Variants in RCC1L observed in about 807,000 individuals in gnomAD.
RCC1L encodes RCC1-like G exchanging factor-like protein.
Under a neutral mutation model 58.6 loss-of-function variants are expected in RCC1L, and 46 were observed. The ratio of observed to expected loss-of-function variants is 0.79; its 90% CI spans 0.62 to 1.00. RCC1L has a LOEUF of 1.00. RCC1L is among the 50% of genes least tolerant of loss of function. The pLI is 0.00. For synonymous variants in RCC1L, 281 were observed against 262.9 expected, an observed-to-expected ratio of 1.07 and a Z score of -0.67; for missense variants, 636 against 623.6, an observed-to-expected ratio of 1.02 and a Z score of -0.21.
intron 9 of RCC1L, chr7:75,055,694 A>C: frequency 6.3e-6 from 4 of 638,862 alleles, no homozygotes; most frequent in South Asian, 3.9e-5. Context: ...CAAACGAACC[A>C]AAATTAAAAC....
chr7:75,069,226 T>G (rs1353421396), intron 2 of RCC1L, among the ~76,000 whole-genome samples: 1 of 148,986 alleles, frequency 6.7e-6, no homozygotes, highest in African/African-American at 2.5e-5. Context: ...ATGATCTTGC[T>G]CTGTTGCCCA....
chr7:75,060,713 G>A (rs1354983854), intron 6 of RCC1L, among the ~76,000 whole-genome samples: 1 of 152,160 alleles, frequency 6.6e-6, no homozygotes, highest in Non-Finnish European at 1.5e-5. Context: ...TTACAGGTGT[G>A]AGCCACTGCA....
intron 1 of RCC1L, among the ~76,000 whole-genome samples, chr7:75,072,640 T>C (rs1806806160): frequency 6.6e-6 from 1 of 152,184 alleles, no homozygotes; most frequent in Non-Finnish European, 1.5e-5. Context: ...AAACCGGGGC[T>C]TCCAGTGAGG....
chr7:75,035,285 C>A (rs1251213345), intron 10 of RCC1L, among the ~76,000 whole-genome samples: 2 of 152,208 alleles, frequency 1.3e-5, no homozygotes, highest in Non-Finnish European at 2.9e-5. Context: ...CCCGCCTCGG[C>A]CTCCCAAAGT....
At chr7:75,062,511 A>G (rs919553345) in intron 5 of RCC1L, among the ~76,000 whole-genome samples, 9 of 152,170 alleles carry the variant, frequency 5.9e-5, no homozygotes, top group African/African-American at 1.9e-4. Context: ...CTGCCTCTAA[A>G]AAATTTCCAA....
chr7:75,043,159 G>T, intron 10 of RCC1L, 50 bp from the exon 11 acceptor site: 1 of 1,607,862 alleles, frequency 6.2e-7, no homozygotes, highest in Non-Finnish European at 8.5e-7. Context: ...GCACCCGGAG[G>T]AGACAGGCGC....
At chr7:75,062,078 C>G (rs994297568) in intron 5 of RCC1L, among the ~76,000 whole-genome samples, 3 of 152,044 alleles carry the variant, frequency 2.0e-5, no homozygotes, top group Non-Finnish European at 2.9e-5. Flanking sequence ...ATCCCAGCAA[C>G]TCGGGAGTCT....
At position 75,070,737 on chromosome 7, in the gene RCC1L, T is replaced by G. The variant is rs1806697064; in HGVS notation, c.357A>C (p.Thr119=). ...ISSAACGYGF[T]LLSSKTADVT... ...CATCCGCAGTCTTAGAGGACAGCAG[T>G]GTGAATCCATAGCCGCAAGCAGCAG... The change falls in exon 2 of 11, where the codon ACA becomes ACC. Residue 119 remains threonine (T), a synonymous_variant. Coordinates refer to ENST00000610322, the MANE Select transcript of RCC1L (RefSeq NM_030798.5). 1 of 1,614,010 alleles carries G rather than the reference T, an allele frequency of 6.2e-7. No homozygotes were observed. The highest frequency in any genetic ancestry group is 1.3e-5 in the African/African-American group (1 of 74,926).
downstream of RCC1L, among the ~76,000 whole-genome samples, chr7:75,040,981 G>A (rs1805543796): frequency 6.6e-6 from 1 of 151,922 alleles, no homozygotes; most frequent in African/African-American, 2.4e-5. Flanking sequence ...ACTTTGGGAG[G>A]CCAAGGTGAG....
chr7:75,058,362 G>A (rs1806149976), intron 7 of RCC1L, among the ~76,000 whole-genome samples: 1 of 151,492 alleles, frequency 6.6e-6, no homozygotes, highest in Admixed American at 6.6e-5. Context: ...CCCAGTACCT[G>A]GGATTACAGG....
chr7:75,044,391 G>C lies in RCC1L; in HGVS notation c.1318-1282C>G, dbSNP rs1480314180. Among the ~76,000 whole-genome samples the C allele has an allele frequency of 2.8e-4, 43 of 151,930 alleles. 1 individual carries two copies. Among genetic ancestry groups the C allele is most frequent in the Admixed American group, 2.8e-3 (43 of 15,250 alleles). ...TGAGGTGGACTCCACTTGAGGTCAG[G>C]AGTTCAAGACCAGCCTGGCCAACAT... On this transcript the variant is annotated intron_variant, in intron 10 of 10. Coordinates refer to ENST00000610322, the MANE Select transcript of RCC1L (RefSeq NM_030798.5).
At position 75,061,272 on chromosome 7, in the gene RCC1L, T is replaced by C; in HGVS notation, c.722A>G (p.His241Arg). 1.2e-6 allele frequency: 2 copies of C among 1,613,736 alleles called. No individual in the cohort carries two copies. The highest frequency in any genetic ancestry group is 1.7e-6 in the Non-Finnish European group (2 of 1,179,780). ...QVVQVACGQD[H>R]SLFLTDKGEV... ...TCCTTTATCCGTCAGGAACAGACTA[T>C]GATCCTGACCACAGGCGACCTAGCA... is the stretch of plus-strand genomic sequence containing the variant. Residue 241 changes from histidine to arginine, a missense_variant, in exon 6 of 11, where the codon CAT (histidine) becomes CGT (arginine). Coordinates refer to ENST00000610322, the MANE Select transcript of RCC1L (RefSeq NM_030798.5).
chr7:75,028,080 C>G lies in RCC1L; in HGVS notation c.1318-1G>C. On this transcript the variant is annotated splice_acceptor_variant, in intron 10 of 10. Transcript: ENST00000614461. LOFTEE classifies it high-confidence loss of function. ...TGGCGCTGGCGGATGGGGCAGGTGC[C>G]TGGCGGGGGAGGAAGAGGGCTCTCT... The G allele has an allele frequency of 2.0e-6, 3 of 1,530,434 alleles. No homozygotes were observed. Among genetic ancestry groups the G allele is most frequent in the Non-Finnish European group, 2.6e-6 (3 of 1,145,536 alleles). 94.8% of individuals were successfully genotyped at this position (1,530,434 alleles called of 1,614,324 possible).
At chr7:75,046,263 G>T (rs1237514796) in intron 10 of RCC1L, among the ~76,000 whole-genome samples, 1 of 152,232 alleles carries the variant, frequency 6.6e-6, no homozygotes, top group Non-Finnish European at 1.5e-5. Flanking sequence ...GCAAAGGCAC[G>T]TCGATGCAGA....
chr7:75,052,686 T>G (rs1805949188), intron 10 of RCC1L, 25 bp downstream of exon 10: 1 of 1,596,374 alleles, frequency 6.3e-7, no homozygotes, highest in Admixed American at 1.8e-5. Context: ...GCATCCATTC[T>G]CAAGACCTCC....
downstream of RCC1L, chr7:75,042,117 A>G (rs1805584664): frequency 2.1e-6 from 2 of 936,296 alleles, no homozygotes; most frequent in Non-Finnish European, 1.3e-6. Context: ...CTCTGTATCA[A>G]AAGGCTTGTT....
chr7:75,033,066 T>C (rs1554441630), intron 10 of RCC1L, among the ~76,000 whole-genome samples: 4 of 110,034 alleles, frequency 3.6e-5, no homozygotes, highest in African/African-American at 1.1e-4. Context: ...AGTGAGACTT[T>C]GTCTCAAAAA....
chr7:75,033,089 A>AAC (rs1805350686), intron 10 of RCC1L, among the ~76,000 whole-genome samples: 1 of 151,150 alleles, frequency 6.6e-6, no homozygotes. Flanking sequence ...AAAAAAAAAA[A>AAC]AAAAAGATAA....
At chr7:75,028,533 A>G (rs1805206469) in intron 10 of RCC1L, among the ~76,000 whole-genome samples, 1 of 151,506 alleles carries the variant, frequency 6.6e-6, no homozygotes, top group Non-Finnish European at 1.5e-5. Context: ...GATAGTCTCA[A>G]CCCCACCCTC....
Sources: allele counts gnomAD v4.1 joint callset (sites outside exome capture counted in the v4.1 genomes callset), GRCh38; gene constraint gnomAD v4.1.1; transcripts MANE v1.5; gene names NCBI Gene and HGNC (gene_info 2026-07-23, HGNC 2026-07-21).